The following PTK2B variants were observed in gnomAD, a reference collection of about 807,000 sequenced individuals.
PTK2B encodes the protein protein tyrosine kinase 2 beta.
Under a neutral mutation model 142.9 loss-of-function variants are expected in PTK2B, and 71 were observed. The observed-to-expected ratio is 0.50, with a 90% CI of 0.41 to 0.61. PTK2B has a LOEUF of 0.61. Ranked by LOEUF, PTK2B falls within the 20% of genes least tolerant of loss-of-function variation. PTK2B has a pLI of 0.00. For missense variants in PTK2B, 1,105 were observed against 1,320.4 expected (o/e 0.84, Z 2.53); for synonymous variants, 519 against 503.4 (o/e 1.03, Z -0.42).
chr8:27,368,816 C>G (rs1806170063), intron 1 of PTK2B, among the ~76,000 whole-genome samples: 1 of 152,186 alleles, frequency 6.6e-6, no homozygotes, highest in African/African-American at 2.4e-5. Flanking sequence ...ACGGCAGGGC[C>G]ACACTCTGCT....
At chr8:27,454,707 T>A in intron 30 of PTK2B, 96 bp downstream of exon 30, 1 of 1,303,566 alleles carries the variant, frequency 7.7e-7, no homozygotes, top group Non-Finnish European at 1.1e-6. Context: ...GGCAACCTCA[T>A]GTCTGTCCAC....
chr8:27,446,643 G>T (rs1209998053), intron 24 of PTK2B, among the ~76,000 whole-genome samples: 1 of 152,162 alleles, frequency 6.6e-6, no homozygotes, highest in African/African-American at 2.4e-5. Flanking sequence ...ACGAACACTT[G>T]ATCTATTTTA....
intron 1 of PTK2B, among the ~76,000 whole-genome samples, chr8:27,368,586 G>A (rs534561906): frequency 3.3e-5 from 5 of 152,334 alleles, no homozygotes; most frequent in East Asian, 3.9e-4. Flanking sequence ...TTCACCTGGT[G>A]TGATTTTGCT....
intron 1 of PTK2B, among the ~76,000 whole-genome samples, chr8:27,356,089 G>T (rs1387184662): frequency 6.6e-6 from 1 of 152,006 alleles, no homozygotes; most frequent in Non-Finnish European, 1.5e-5. Flanking sequence ...CCGTCTGAGA[G>T]CCCTACTGGT....
At chr8:27,367,527 C>T (rs758964158) in intron 1 of PTK2B, among the ~76,000 whole-genome samples, 34 of 152,322 alleles carry the variant, frequency 2.2e-4, no homozygotes, top group Admixed American at 1.2e-3. Flanking sequence ...GGTCAGTCCC[C>T]AGCAAATGCA....
chr8:27,436,016 G>A (rs1395193137), intron 14 of PTK2B, among the ~76,000 whole-genome samples: 1 of 152,150 alleles, frequency 6.6e-6, no homozygotes, highest in African/African-American at 2.4e-5. Context: ...GCTGTGCGGG[G>A]ATTCTAGTAA....
intron 4 of PTK2B, among the ~76,000 whole-genome samples, chr8:27,421,708 A>G (rs998701474): frequency 6.6e-6 from 1 of 152,236 alleles, no homozygotes; most frequent in Admixed American, 6.5e-5. Flanking sequence ...CAAGCTACTA[A>G]TAGGATACCT....
chr8:27,410,748 T>A (rs1219042811), intron 2 of PTK2B, among the ~76,000 whole-genome samples: 2 of 152,168 alleles, frequency 1.3e-5, no homozygotes, highest in Non-Finnish European at 2.9e-5. Flanking sequence ...GGAAGTAGAT[T>A]ATCCAGAGCA....
chr8:27,321,009 T>TTTTTTTTTTTTA (rs1803202578), upstream of PTK2B, among the ~76,000 whole-genome samples: 1 of 132,802 alleles, frequency 7.5e-6, no homozygotes, highest in East Asian at 2.2e-4. Context: ...TTTTTTTTTT[T>TTTTTTTTTTTTA]GAGACAGGGT....
chr8:27,401,333 G>A (rs1586242340), intron 2 of PTK2B, among the ~76,000 whole-genome samples: 1 of 152,176 alleles, frequency 6.6e-6, no homozygotes, highest in African/African-American at 2.4e-5. Flanking sequence ...AATAGTGGCT[G>A]GTAGTGTCAG....
At chr8:27,367,612 G>A (rs1806099470) in intron 1 of PTK2B, among the ~76,000 whole-genome samples, 1 of 152,210 alleles carries the variant, frequency 6.6e-6, no homozygotes, top group Admixed American at 6.5e-5. Flanking sequence ...AATATCAGAG[G>A]CTGGGTAATT....
chr8:27,320,861 G>A (rs1201560794), upstream of PTK2B, among the ~76,000 whole-genome samples: 2 of 151,582 alleles, frequency 1.3e-5, no homozygotes, highest in African/African-American at 4.8e-5. Flanking sequence ...TAGGGATAGC[G>A]CTGAAAGTTC....
At chr8:27,348,308 A>G (rs1804833493) in intron 1 of PTK2B, among the ~76,000 whole-genome samples, 1 of 152,164 alleles carries the variant, frequency 6.6e-6, no homozygotes, top group Admixed American at 6.5e-5. Context: ...GCCGTGCGGG[A>G]GTACCGTGGT....
intron 29 of PTK2B, 113 bp downstream of exon 29, chr8:27,454,404 C>A: frequency 6.4e-7 from 1 of 1,551,396 alleles, no homozygotes; most frequent in African/African-American, 1.4e-5. Flanking sequence ...GCAAGCTGGG[C>A]CAGGGGAATT....
At chr8:27,416,004 A>G (rs1300605594) in intron 2 of PTK2B, among the ~76,000 whole-genome samples, 1 of 152,224 alleles carries the variant, frequency 6.6e-6, no homozygotes, top group African/African-American at 2.4e-5. Flanking sequence ...TGCAAAGCCA[A>G]GGTAGGAGGA....
chr8:27,345,485 GC>G lies in PTK2B; in HGVS notation c.-38+19805del, dbSNP rs1169560030. ...CCTATCCCTGGGGAATGGTGGGGCT[GC>G]TCTGAGTGAGGGGCTTAGCAGCCTG... On this transcript the variant is annotated intron_variant, in intron 1 of 30. Coordinates refer to ENST00000346049, the MANE Select transcript of PTK2B (RefSeq NM_173176.3). Among the ~76,000 whole-genome samples the G allele has an allele frequency of 3.3e-5, 5 of 152,320 alleles. No individual in the cohort carries two copies. The East Asian group carries it at 9.7e-4, about 29-fold the overall frequency.
intron 3 of PTK2B, among the ~76,000 whole-genome samples, chr8:27,318,720 G>A (rs562857037): frequency 2.5e-4 from 38 of 152,214 alleles, no homozygotes; most frequent in Non-Finnish European, 4.7e-4. Flanking sequence ...GCATGACCTC[G>A]GCTCACTGCA....
intron 18 of PTK2B, 174 bp downstream of exon 18, chr8:27,438,054 A>G (rs996719528): frequency 1.1e-5 from 7 of 610,978 alleles, no homozygotes; most frequent in Non-Finnish European, 8.7e-6. Flanking sequence ...CCTCATCTGT[A>G]AAGTTGCAGG....
intron 5 of PTK2B, among the ~76,000 whole-genome samples, chr8:27,423,861 G>A (rs1057224218): frequency 5.3e-5 from 8 of 152,234 alleles, no homozygotes; most frequent in Middle Eastern, 3.4e-3. Context: ...TTCACATTTC[G>A]TGACTTTGTC....
Sources: gnomAD v4.1 joint callset for allele counts (sites outside exome capture counted in the v4.1 genomes callset) on GRCh38, gnomAD v4.1.1 for gene constraint, MANE v1.5 for transcripts, NCBI Gene and HGNC (gene_info 2026-07-23, HGNC 2026-07-21) for gene names.